RAP1GDS1: variants seen among roughly 807,000 people sequenced by gnomAD.
The protein encoded by RAP1GDS1 is RAP1, GTP-GDP dissociation stimulator 1.
RAP1GDS1 carries 35 observed loss-of-function variants against 71.1 expected under a neutral mutation model. That is an observed-to-expected ratio of 0.49 (90% CI 0.38 to 0.65). The LOEUF (loss-of-function observed/expected upper bound fraction) is 0.65. Among genes scored for constraint, RAP1GDS1 ranks in the 30% least tolerant of loss-of-function variants. The pLI is 0.00. For missense variants in RAP1GDS1, 663 were observed against 706.1 expected, an observed-to-expected ratio of 0.94 and a Z score of 0.69; for synonymous variants, 229 against 243.1, an observed-to-expected ratio of 0.94 and a Z score of 0.54.
At chr4:98,299,769 G>T (rs2110293616) in intron 2 of RAP1GDS1, among the ~76,000 whole-genome samples, 1 of 151,906 alleles carries the variant, frequency 6.6e-6, no homozygotes, top group African/African-American at 2.4e-5. Flanking sequence ...CGAGCAGCTG[G>T]GACTACAGGC....
In RAP1GDS1 at chr4:98,358,890, C is replaced by CT. The variant is rs1055800202; in HGVS notation, c.361+6300dup. On this transcript the variant is annotated intron_variant, in intron 4 of 14. Transcript: ENST00000408927. ...AAAGGGTACATGAGACCTTTCTGTG[C>CT]TTTTTTTTTTTAAATAACTTCTTGT... is the stretch of plus-strand genomic sequence containing the variant. Among the ~76,000 whole-genome samples the CT allele has an allele frequency of 4.1e-3, 588 of 145,104 alleles. 3 individuals carry two copies. The highest frequency in any genetic ancestry group is 4.6e-3 in the Non-Finnish European group (299 of 65,580).
intron 1 of RAP1GDS1, among the ~76,000 whole-genome samples, chr4:98,286,610 C>T (rs952003703): frequency 2.0e-5 from 3 of 151,952 alleles, no homozygotes; most frequent in East Asian, 1.9e-4. Context: ...TGAGGCCAGG[C>T]GCGGTGGCTA....
chr4:98,352,148 A>G (rs2110421090), intron 3 of RAP1GDS1, among the ~76,000 whole-genome samples: 1 of 152,146 alleles, frequency 6.6e-6, no homozygotes, highest in Non-Finnish European at 1.5e-5. Flanking sequence ...ATCATCACAC[A>G]TATTGCTTCC....
At chr4:98,290,479 T>C (rs1028569841) in intron 1 of RAP1GDS1, among the ~76,000 whole-genome samples, 11 of 152,120 alleles carry the variant, frequency 7.2e-5, no homozygotes, top group Admixed American at 5.3e-4. Flanking sequence ...AGATTGATGT[T>C]AAGAAAGGAA....
chr4:98,410,063 G>A (rs1746802803), intron 7 of RAP1GDS1, among the ~76,000 whole-genome samples: 3 of 152,138 alleles, frequency 2.0e-5, no homozygotes, highest in Admixed American at 1.3e-4. Context: ...GAGACCAGGA[G>A]TTCGAGACCA....
intron 2 of RAP1GDS1, among the ~76,000 whole-genome samples, chr4:98,301,037 C>G (rs897510135): frequency 5.4e-5 from 8 of 148,724 alleles, no homozygotes; most frequent in Non-Finnish European, 1.0e-4. Flanking sequence ...AATCTCTGAA[C>G]ATACTCCTGC....
At chr4:98,375,285 C>G in intron 4 of RAP1GDS1, among the ~76,000 whole-genome samples, 1 of 152,126 alleles carries the variant, frequency 6.6e-6, no homozygotes, top group East Asian at 1.9e-4. Flanking sequence ...TCCCCCTCCT[C>G]TTATAAGGAT....
chr4:98,370,429 A>G (rs1740193738), intron 4 of RAP1GDS1, among the ~76,000 whole-genome samples: 1 of 152,124 alleles, frequency 6.6e-6, no homozygotes, highest in African/African-American at 2.4e-5. Flanking sequence ...CATGTTTATT[A>G]TGAACATTTT....
chr4:98,372,876 G>A (rs1740600005), intron 4 of RAP1GDS1, among the ~76,000 whole-genome samples: 2 of 152,052 alleles, frequency 1.3e-5, no homozygotes, highest in Admixed American at 6.5e-5. Context: ...TTTGAGTAGA[G>A]ACAGGTTCTC....
At chr4:98,341,628 A>T (rs1735515805) in intron 2 of RAP1GDS1, among the ~76,000 whole-genome samples, 1 of 152,174 alleles carries the variant, frequency 6.6e-6, no homozygotes, top group South Asian at 2.1e-4. Context: ...CAGTGTTCTA[A>T]GGTTATATTT....
intron 12 of RAP1GDS1, among the ~76,000 whole-genome samples, chr4:98,422,126 G>A (rs1748964943): frequency 6.6e-6 from 1 of 151,962 alleles, no homozygotes; most frequent in Admixed American, 6.6e-5. Flanking sequence ...CGTGAACCCG[G>A]GAGGCGGAGC....
At chr4:98,437,563 G>A (rs990985074) in intron 14 of RAP1GDS1, among the ~76,000 whole-genome samples, 1 of 152,062 alleles carries the variant, frequency 6.6e-6, no homozygotes, top group Non-Finnish European at 1.5e-5. Flanking sequence ...GGAGGCTGAG[G>A]TGGTGGATCA....
At chr4:98,380,153 C>T (rs115648861) in intron 5 of RAP1GDS1, among the ~76,000 whole-genome samples, 2,141 of 150,374 alleles carry the variant, frequency 0.014, 36 homozygotes, top group African/African-American at 0.049. Context: ...TTAGTGACAA[C>T]AGTGAATGGT....
intron 6 of RAP1GDS1, among the ~76,000 whole-genome samples, chr4:98,399,412 G>A (rs1745030519): frequency 6.6e-6 from 1 of 152,100 alleles, no homozygotes; most frequent in African/African-American, 2.4e-5. Flanking sequence ...GGCCACCTTA[G>A]CCTCCCAAGT....
intron 1 of RAP1GDS1, among the ~76,000 whole-genome samples, chr4:98,269,238 C>T (rs913541275): frequency 7.0e-5 from 9 of 129,006 alleles, no homozygotes; most frequent in Non-Finnish European, 1.5e-4. Context: ...CTTCAATAAA[C>T]ACTGTTGTTA....
intron 4 of RAP1GDS1, among the ~76,000 whole-genome samples, chr4:98,361,100 A>C (rs971113818): frequency 6.6e-6 from 1 of 151,550 alleles, no homozygotes; most frequent in Non-Finnish European, 1.5e-5. Flanking sequence ...AAAAGAGTGA[A>C]TAATTTACAT....
chr4:98,421,883 T>C (rs1748913031), intron 12 of RAP1GDS1, among the ~76,000 whole-genome samples: 1 of 152,150 alleles, frequency 6.6e-6, no homozygotes, highest in African/African-American at 2.4e-5. Context: ...ATCTAGATTA[T>C]ATGATTTTTA....
intron 4 of RAP1GDS1, among the ~76,000 whole-genome samples, chr4:98,353,896 A>T (rs1737571046): frequency 6.6e-6 from 1 of 152,148 alleles, no homozygotes; most frequent in South Asian, 2.1e-4. Flanking sequence ...TGAATCATTT[A>T]TTATATATTT....
chr4:98,270,025 A>C (rs190526325), intron 1 of RAP1GDS1, among the ~76,000 whole-genome samples: 91 of 152,318 alleles, frequency 6.0e-4, no homozygotes, highest in Non-Finnish European at 2.4e-4. Flanking sequence ...TGGTAACTAC[A>C]AGATCAAAGT....
Sources: gnomAD v4.1 joint callset for allele counts (sites outside exome capture counted in the v4.1 genomes callset) on GRCh38, gnomAD v4.1.1 for gene constraint, MANE v1.5 for transcripts, NCBI Gene and HGNC (gene_info 2026-07-23, HGNC 2026-07-21) for gene names.